KIF6: variants seen among roughly 807,000 people sequenced by gnomAD.
KIF6 encodes the protein kinesin-like protein KIF6.
A neutral mutation model predicts 112.7 loss-of-function variants in KIF6; 106 were observed. The ratio of observed to expected loss-of-function variants is 0.94; its 90% CI spans 0.80 to 1.11. The LOEUF (loss-of-function observed/expected upper bound fraction) is 1.11, where lower values mean the gene tolerates loss of function less well. KIF6 is among the 50% of genes least tolerant of loss of function. The pLI is 0.00. For missense variants in KIF6, 929 were observed against 964.0 expected, an observed-to-expected ratio of 0.96 and a Z score of 0.48; for synonymous variants, 339 against 339.9, an observed-to-expected ratio of 1.00 and a Z score of 0.03.
intron 13 of KIF6, among the ~76,000 whole-genome samples, chr6:39,456,927 T>A (rs530391553): frequency 6.6e-6 from 1 of 151,614 alleles, no homozygotes; most frequent in East Asian, 1.9e-4. Flanking sequence ...TAATGGAGAC[T>A]TTAACACCCC....
chr6:39,658,123 A>T (rs1444324151), intron 3 of KIF6, among the ~76,000 whole-genome samples: 1 of 152,224 alleles, frequency 6.6e-6, no homozygotes, highest in African/African-American at 2.4e-5. Flanking sequence ...TTATGTATGC[A>T]TTATGTGTTA....
rs565085974 is a variant in KIF6 at position 39,428,107 on chromosome 6, AGTG to A, written c.1754+2943_1754+2945del. 5.9e-5 allele frequency among the ~76,000 whole-genome samples: 9 copies of A among 152,340 alleles called. No individual in the cohort carries two copies. In the South Asian group the frequency reaches 1.9e-3, roughly 32 times the overall value. On this transcript the variant is annotated intron_variant, in intron 14 of 22. Coordinates refer to ENST00000287152, the MANE Select transcript of KIF6 (RefSeq NM_145027.6). ...ATGGTTTCTGGACACTGTCTAAGCC[AGTG>A]GTTTTCAAACCTACATGCTACTGGA...
rs571890443 is a variant in KIF6, at chr6:39,658,203, G to C, written c.252-18446C>G. On this transcript the variant is annotated intron_variant, in intron 3 of 22. Coordinates refer to ENST00000287152, the MANE Select transcript of KIF6 (RefSeq NM_145027.6). Reference sequence around the variant, plus strand: ...TATACACAGTCCAAATTCTCATCTTGCTTAGAATATCTACCTTTATTTTAA... The same window carrying C: ...TATACACAGTCCAAATTCTCATCTTCCTTAGAATATCTACCTTTATTTTAA... 3.9e-5 allele frequency among the ~76,000 whole-genome samples: 6 copies of C among 152,174 alleles called. 1 individual carries two copies. The South Asian group carries it at 1.2e-3, about 32-fold the overall frequency.
chr6:39,441,749 A>G (rs1771934675), intron 13 of KIF6, among the ~76,000 whole-genome samples: 1 of 152,214 alleles, frequency 6.6e-6, no homozygotes, highest in Non-Finnish European at 1.5e-5. Context: ...TCGATTGACA[A>G]TTTCTGGAAT....
intron 10 of KIF6, among the ~76,000 whole-genome samples, chr6:39,560,698 A>G (rs1054980214): frequency 6.6e-6 from 1 of 152,208 alleles, no homozygotes; most frequent in Non-Finnish European, 1.5e-5. Context: ...CACTTACAAG[A>G]TTGAAGGTCT....
In KIF6 at chr6:39,335,096, G is replaced by A. The variant is rs1218567352; in HGVS notation, c.*1436C>T. 6.6e-6 allele frequency: 1 copy of A among 152,198 alleles called. No homozygotes were observed. The highest frequency in any genetic ancestry group is 1.5e-5 in the Non-Finnish European group (1 of 68,052). The allele number at this position is 152,198 out of a possible 1,614,324, so 9.4% of individuals were successfully genotyped here. A position where few individuals can be genotyped will look rare whatever the true frequency, so the allele number is the denominator to read the frequency against. On this transcript the variant is annotated 3_prime_UTR_variant, in exon 23 of 23. Coordinates refer to ENST00000287152, the MANE Select transcript of KIF6 (RefSeq NM_145027.6). ...GACACAGCAATGAGCAAGACAAACA[G>A]GTCCCTGTTGCATTGGAGCTCTTAG...
intron 13 of KIF6, among the ~76,000 whole-genome samples, chr6:39,519,334 C>T (rs1194847530): frequency 1.3e-5 from 2 of 152,110 alleles, no homozygotes. Flanking sequence ...ATCCACAAGA[C>T]ATAGTTTATC....
intron 10 of KIF6, among the ~76,000 whole-genome samples, chr6:39,565,851 C>T (rs1307731709): frequency 1.3e-5 from 2 of 152,140 alleles, no homozygotes; most frequent in Non-Finnish European, 2.9e-5. Context: ...CAGGAGGTTT[C>T]GTTGACATGT....
At chr6:39,668,128 A>T (rs996637097) in intron 3 of KIF6, among the ~76,000 whole-genome samples, 1 of 151,774 alleles carries the variant, frequency 6.6e-6, no homozygotes, top group African/African-American at 2.4e-5. Context: ...CCGTCACCAT[A>T]CTCCCTGTAC....
intron 10 of KIF6, among the ~76,000 whole-genome samples, chr6:39,557,295 T>A (rs1012771918): frequency 6.6e-6 from 1 of 152,142 alleles, no homozygotes; most frequent in African/African-American, 2.4e-5. Flanking sequence ...AGCAAGTGTA[T>A]GTAAATTGAA....
At chr6:39,583,603 A>G (rs1270091067) in intron 9 of KIF6, 2 of 363,400 alleles carry the variant, frequency 5.5e-6, no homozygotes, top group East Asian at 1.5e-4. Flanking sequence ...AATATGGGTA[A>G]CAATTAATTT....
At chr6:39,624,871 A>G (rs901964394) in intron 5 of KIF6, among the ~76,000 whole-genome samples, 1 of 127,082 alleles carries the variant, frequency 7.9e-6, no homozygotes, top group Admixed American at 1.1e-4. Context: ...CATTTCTATT[A>G]TATGGATTAA....
intron 13 of KIF6, among the ~76,000 whole-genome samples, chr6:39,495,802 T>G (rs1207846059): frequency 6.6e-6 from 1 of 152,142 alleles, no homozygotes; most frequent in East Asian, 1.9e-4. Context: ...AGGACTATAC[T>G]TCATGGAGAG....
rs115450689 is a variant in KIF6 at position 39,473,872 on chromosome 6, G to A, written c.1646-42711C>T. ...TTGATTAATTTGGTAACATGAGTATGGTAGAAAACTCAGGACACATCTTTT... is the reference window on the plus strand; with the variant it reads ...TTGATTAATTTGGTAACATGAGTATAGTAGAAAACTCAGGACACATCTTTT... On this transcript the variant is annotated intron_variant, in intron 13 of 22. Coordinates refer to ENST00000287152, the MANE Select transcript of KIF6 (RefSeq NM_145027.6). Among the ~76,000 whole-genome samples, 1,099 of 152,174 alleles carry A rather than the reference G, an allele frequency of 7.2e-3. 4 individuals are homozygous for A. The highest frequency in any genetic ancestry group is 0.013 in the Admixed American group (196 of 15,294).
chr6:39,370,542 T>C (rs1439716645), intron 16 of KIF6, among the ~76,000 whole-genome samples: 1 of 152,226 alleles, frequency 6.6e-6, no homozygotes, highest in Non-Finnish European at 1.5e-5. Flanking sequence ...CAAAAGTGAG[T>C]TCTGAGACAG....
chr6:39,662,355 A>G (rs920687270), intron 3 of KIF6, among the ~76,000 whole-genome samples: 2 of 152,234 alleles, frequency 1.3e-5, no homozygotes, highest in East Asian at 3.8e-4. Context: ...AGACAGTCAC[A>G]TACATTACAT....
intron 13 of KIF6, among the ~76,000 whole-genome samples, chr6:39,513,870 A>G (rs1776918752): frequency 6.6e-6 from 1 of 152,170 alleles, no homozygotes; most frequent in African/African-American, 2.4e-5. Context: ...CTTTTGGCCA[A>G]CCACACTAGA....
chr6:39,448,333 C>T (rs928769665), intron 13 of KIF6, among the ~76,000 whole-genome samples: 5 of 152,100 alleles, frequency 3.3e-5, no homozygotes, highest in African/African-American at 1.2e-4. Context: ...TGCCACCACA[C>T]CCGGCTGATT....
chr6:39,694,300 G>T (rs1278639178), intron 3 of KIF6, among the ~76,000 whole-genome samples: 1 of 152,046 alleles, frequency 6.6e-6, no homozygotes, highest in Non-Finnish European at 1.5e-5. Context: ...CTCAACATAG[G>T]ACTGGAAGTC....
Sources: gnomAD v4.1 joint callset for allele counts (sites outside exome capture counted in the v4.1 genomes callset) on GRCh38, gnomAD v4.1.1 for gene constraint, MANE v1.5 for transcripts, NCBI Gene and HGNC (gene_info 2026-07-23, HGNC 2026-07-21) for gene names.